The following MNS1 variants were observed in gnomAD, a reference collection of about 807,000 sequenced individuals.
The protein encoded by MNS1 is meiosis-specific nuclear structural protein 1.
Under a neutral mutation model 72.0 loss-of-function variants are expected in MNS1, and 63 were observed. That is an observed-to-expected ratio of 0.87 (90% CI 0.71 to 1.08). The LOEUF is 1.08. Ranked by LOEUF, MNS1 falls within the 50% of genes least tolerant of loss-of-function variation. MNS1 has a pLI of 0.00. For synonymous variants in MNS1, 188 were observed against 172.1 expected (o/e 1.09, Z -0.72); for missense variants, 604 against 562.4 (o/e 1.07, Z -0.75).
intron 7 of MNS1, among the ~76,000 whole-genome samples, chr15:56,442,304 G>A (rs1268544035): frequency 2.6e-5 from 4 of 152,168 alleles, no homozygotes; most frequent in Non-Finnish European, 5.9e-5. Context: ...TTCAACCACT[G>A]TGAAAAGCAC....
At position 56,465,005 on chromosome 15, in the gene MNS1, ACCGCGGC is replaced by A. The variant is rs1567156183; in HGVS notation, c.-40_-34del. On this transcript the variant is annotated 5_prime_UTR_variant, in exon 1 of 10. Transcript: ENST00000260453. ...GACGAAAAATACCCCCTCTCGTGGG[ACCGCGGC>A]CACCACCTCCCGCCGCAAACGCAGC... 1 of 1,603,616 alleles carries A rather than the reference ACCGCGGC, an allele frequency of 6.2e-7. No homozygotes were observed. The highest frequency in any genetic ancestry group is 8.5e-7 in the Non-Finnish European group (1 of 1,176,188).
intron 3 of MNS1, among the ~76,000 whole-genome samples, chr15:56,452,281 ACTAGGTG>A (rs1301619541): frequency 7.2e-5 from 11 of 152,148 alleles, no homozygotes; most frequent in Admixed American, 7.2e-4. Context: ...TTCAGAGAAA[ACTAGGTG>A]CAAAAGGCCT....
intron 3 of MNS1, among the ~76,000 whole-genome samples, chr15:56,450,832 T>A (rs1567152990): frequency 6.6e-6 from 1 of 152,216 alleles, no homozygotes; most frequent in Non-Finnish European, 1.5e-5. Flanking sequence ...AGCACCTGCA[T>A]CATTTTACAT....
At chr15:56,459,750 G>A (rs1305377953) in intron 2 of MNS1, among the ~76,000 whole-genome samples, 9 of 151,508 alleles carry the variant, frequency 5.9e-5, no homozygotes, top group African/African-American at 2.2e-4. Flanking sequence ...GAGCACTTTG[G>A]GAGGCCGAAG....
At chr15:56,436,879 T>TA (rs1772901821) in intron 7 of MNS1, among the ~76,000 whole-genome samples, 4 of 152,136 alleles carry the variant, frequency 2.6e-5, no homozygotes, top group Admixed American at 2.6e-4. Flanking sequence ...CCTGGACACA[T>TA]ACACCCTCCC....
At chr15:56,446,656 A>G (rs1241989837) in intron 4 of MNS1, among the ~76,000 whole-genome samples, 185 bp downstream of exon 4, 2 of 152,066 alleles carry the variant, frequency 1.3e-5, no homozygotes, top group African/African-American at 4.8e-5. Context: ...GTGTTTCTGA[A>G]AGGCTCTAAT....
At chr15:56,443,939 A>G in intron 5 of MNS1, 85 bp from the exon 6 acceptor site, 2 of 1,052,688 alleles carry the variant, frequency 1.9e-6, no homozygotes, top group South Asian at 3.7e-5. Flanking sequence ...AATGTACAGA[A>G]AAACACTATA....
At chr15:56,460,865 G>T (rs534739429) in intron 2 of MNS1, among the ~76,000 whole-genome samples, 113 of 152,236 alleles carry the variant, frequency 7.4e-4, no homozygotes, top group African/African-American at 2.6e-3. Context: ...ATTTGTCAGG[G>T]TTCTCCAGAG....
chr15:56,456,850 G>A (rs2050984711), intron 2 of MNS1, among the ~76,000 whole-genome samples: 1 of 151,870 alleles, frequency 6.6e-6, no homozygotes, highest in African/African-American at 2.4e-5. Context: ...CTGCTAGGGT[G>A]TTTTAAAACA....
intron 4 of MNS1, among the ~76,000 whole-genome samples, chr15:56,446,581 A>G (rs530698411): frequency 1.3e-5 from 2 of 151,490 alleles, no homozygotes; most frequent in Admixed American, 1.3e-4. Context: ...TCAGTGAATA[A>G]TCAGTTAGAG....
intron 7 of MNS1, among the ~76,000 whole-genome samples, chr15:56,442,478 G>T (rs763854802): frequency 2.6e-5 from 4 of 152,110 alleles, no homozygotes; most frequent in Non-Finnish European, 5.9e-5. Context: ...GCAAAGATAT[G>T]GAATCCACCT....
At chr15:56,441,982 T>A (rs7174892) in intron 7 of MNS1, among the ~76,000 whole-genome samples, 59,852 of 151,798 alleles carry the variant, frequency 0.39, 12,558 homozygotes, top group Non-Finnish European at 0.46. Context: ...ATCACGCCAC[T>A]GCACTCCAAC....
In MNS1 at chr15:56,443,469, G is replaced by A; in HGVS notation, c.972C>T (p.Tyr324=). The A allele has an allele frequency of 6.3e-7, 1 of 1,597,578 alleles. No individual in the cohort carries two copies. The highest frequency in any genetic ancestry group is 1.2e-5 in the South Asian group (1 of 85,954). ...EDLEQVRQEL[Y]QEEQAEIYKS... The stretch of plus-strand genomic sequence containing the variant: ...TATATATTTCAGCTTGTTCTTCCTG[G>A]TATAATTCTTGTCGCACTTGTTCCA... Residue 324 remains tyrosine (Y), a synonymous_variant, in exon 7 of 10, where the codon TAC becomes TAT. Transcript: ENST00000260453.
intron 3 of MNS1, among the ~76,000 whole-genome samples, chr15:56,448,562 A>C (rs1317959604): frequency 2.0e-5 from 3 of 152,142 alleles, no homozygotes; most frequent in Admixed American, 2.0e-4. Flanking sequence ...CAAAGGACAT[A>C]ATTTCATTGT....
In MNS1 at chr15:56,464,265, A is replaced by C; in HGVS notation, c.4-18T>G. 6.6e-7 allele frequency: 1 copy of C among 1,521,722 alleles called. No individual in the cohort carries two copies. Among genetic ancestry groups the C allele is most frequent in the Non-Finnish European group, 8.9e-7 (1 of 1,121,260 alleles). 94.3% of individuals were successfully genotyped at this position (1,521,722 alleles called of 1,614,324 possible). On this transcript the variant is annotated intron_variant, in intron 1 of 9. Coordinates refer to ENST00000260453, the MANE Select transcript of MNS1 (RefSeq NM_018365.4). Reference sequence around the variant, plus strand: ...TTGGAACCCTACGATGGAAGAAAAAAAAAGATGCATATTTTGATATTCCAA... The same window carrying C: ...TTGGAACCCTACGATGGAAGAAAAACAAAGATGCATATTTTGATATTCCAA...
In MNS1 at chr15:56,431,505, A is replaced by G. The variant is rs1221315587; in HGVS notation, c.1270-7T>C. On this transcript the variant is annotated splice_polypyrimidine_tract_variant and splice_region_variant and intron_variant, in intron 8 of 9. Coordinates refer to ENST00000260453, the MANE Select transcript of MNS1 (RefSeq NM_018365.4). ...ACTCTTCTAGTTCACGTTGCTGGAA[A>G]TGCAGATCAAATTTTGTTATCACAA... 9.9e-6 allele frequency: 16 copies of G among 1,613,450 alleles called. No individual in the cohort carries two copies. The highest frequency in any genetic ancestry group is 2.2e-5 in the South Asian group (2 of 91,022).
intron 3 of MNS1, among the ~76,000 whole-genome samples, chr15:56,451,689 G>C (rs1466994494): frequency 6.6e-6 from 1 of 151,738 alleles, no homozygotes; most frequent in Non-Finnish European, 1.5e-5. Context: ...ACAATGGTGA[G>C]AAAACCATAT....
At chr15:56,433,266 G>A (rs2050648049) in intron 8 of MNS1, among the ~76,000 whole-genome samples, 1 of 150,890 alleles carries the variant, frequency 6.6e-6, no homozygotes, top group African/African-American at 2.4e-5. Context: ...GGGGGGTGGG[G>A]GGGACAAGGG....
chr15:56,440,085 T>C (rs1262164404), intron 7 of MNS1, among the ~76,000 whole-genome samples: 1 of 151,890 alleles, frequency 6.6e-6, no homozygotes, highest in African/African-American at 2.4e-5. Context: ...AACAACCCAA[T>C]TAGAGAATCA....
Sources: gnomAD v4.1 joint callset for allele counts (sites outside exome capture counted in the v4.1 genomes callset) on GRCh38, gnomAD v4.1.1 for gene constraint, MANE v1.5 for transcripts, NCBI Gene and HGNC (gene_info 2026-07-23, HGNC 2026-07-21) for gene names.